The following RBPMS variants were observed in gnomAD, a reference collection of about 807,000 sequenced individuals.
The protein encoded by RBPMS is RNA-binding protein with multiple splicing.
A neutral mutation model predicts 26.8 loss-of-function variants in RBPMS; 7 were observed. That is an observed-to-expected ratio of 0.26 (90% CI 0.15 to 0.49). The LOEUF (loss-of-function observed/expected upper bound fraction) is 0.49. Among genes scored for constraint, RBPMS ranks in the 20% least tolerant of loss-of-function variants. RBPMS has a pLI of 0.98. For synonymous variants in RBPMS, 96 were observed against 93.3 expected, an observed-to-expected ratio of 1.03 and a Z score of -0.17; for missense variants, 186 against 250.0, an observed-to-expected ratio of 0.74 and a Z score of 1.73.
chr8:30,561,980 G>A lies in RBPMS; in HGVS notation c.*7+3024G>A, dbSNP rs1344888430. 4.1e-6 allele frequency: 4 copies of A among 985,148 alleles called. No homozygotes were observed. The African/African-American group carries it at 7.0e-5, about 17-fold the overall frequency. The allele number at this position is 985,148 out of a possible 1,614,324, so 61.0% of individuals were successfully genotyped here. On this transcript the variant is annotated intron_variant, in intron 7 of 8. Coordinates refer to ENST00000397323, the MANE Select transcript of RBPMS (RefSeq NM_001008710.3). ...ATGGCTACTAGAAGGACGAACAATT[G>A]CCCTCCTTTGGAAGTACGGCTAATA...
At chr8:30,484,888 T>G (rs1818629725) in intron 4 of RBPMS, among the ~76,000 whole-genome samples, 1 of 152,258 alleles carries the variant, frequency 6.6e-6, no homozygotes, top group Admixed American at 6.5e-5. Context: ...CTAAATAGTT[T>G]GAGCTTTCCA....
At chr8:30,418,618 A>G (rs557792815) in intron 1 of RBPMS, among the ~76,000 whole-genome samples, 1 of 152,152 alleles carries the variant, frequency 6.6e-6, no homozygotes, top group African/African-American at 2.4e-5. Flanking sequence ...TCACTCTGTC[A>G]CCCAGGCTGG....
intron 7 of RBPMS, among the ~76,000 whole-genome samples, chr8:30,562,779 C>T (rs1182987391): frequency 7.4e-6 from 1 of 134,856 alleles, no homozygotes; most frequent in Non-Finnish European, 1.7e-5. Context: ...TCTTGCTTTC[C>T]CAGCACGGAA....
intron 1 of RBPMS, among the ~76,000 whole-genome samples, chr8:30,427,560 ACTCT>A (rs926274616): frequency 6.6e-6 from 1 of 151,714 alleles, no homozygotes; most frequent in Non-Finnish European, 1.5e-5. Context: ...CCCCTGGCAA[ACTCT>A]CTCTCTTCCT....
chr8:30,434,996 A>ACATCCATCCATCCATCCATC (rs113850134), intron 1 of RBPMS, among the ~76,000 whole-genome samples: 2 of 150,400 alleles, frequency 1.3e-5, no homozygotes, highest in Non-Finnish European at 2.9e-5. Context: ...TCCAAAGAAG[A>ACATCCATCCATCCATCCATC]CATCCATCCA....
chr8:30,451,783 A>T (rs763023225), intron 1 of RBPMS, among the ~76,000 whole-genome samples: 11 of 152,320 alleles, frequency 7.2e-5, no homozygotes, highest in Non-Finnish European at 1.6e-4. Flanking sequence ...TTTTTTAAAT[A>T]TCAAATTGTA....
At chr8:30,486,364 TAAAAAAAAAAC>T (rs1818777434) in intron 4 of RBPMS, among the ~76,000 whole-genome samples, 1 of 140,388 alleles carries the variant, frequency 7.1e-6, no homozygotes, top group Non-Finnish European at 1.5e-5. Context: ...ATAAATAACA[TAAAAAAAAAAC>T]AAAAAACAGG....
intron 6 of RBPMS, 119 bp downstream of exon 6, chr8:30,544,743 G>T (rs1342129040): frequency 1.2e-6 from 2 of 1,600,248 alleles, no homozygotes; most frequent in African/African-American, 2.7e-5. Flanking sequence ...ACCCTCAAGA[G>T]ATTAATGATC....
intron 1 of RBPMS, among the ~76,000 whole-genome samples, chr8:30,451,762 T>C (rs952887253): frequency 6.6e-6 from 1 of 152,224 alleles, no homozygotes; most frequent in East Asian, 1.9e-4. Flanking sequence ...TGGAGACATT[T>C]AGCCCATTTG....
intron 4 of RBPMS, 107 bp downstream of exon 4, chr8:30,479,484 T>C (rs916106392): frequency 1.2e-6 from 1 of 817,192 alleles, no homozygotes; most frequent in African/African-American, 1.8e-5. Context: ...CTGCACAGTC[T>C]AAGAGGGAGG....
At chr8:30,469,030 A>G (rs923755778) in intron 1 of RBPMS, among the ~76,000 whole-genome samples, 1 of 152,238 alleles carries the variant, frequency 6.6e-6, no homozygotes, top group Non-Finnish European at 1.5e-5. Context: ...TAAAACTTTT[A>G]TGAAAAACTA....
intron 1 of RBPMS, among the ~76,000 whole-genome samples, chr8:30,443,675 A>T (rs973222327): frequency 1.3e-5 from 2 of 151,742 alleles, no homozygotes; most frequent in Non-Finnish European, 2.9e-5. Flanking sequence ...GCTCACTGCA[A>T]CCTCTGCCTC....
intron 1 of RBPMS, among the ~76,000 whole-genome samples, chr8:30,424,831 G>A (rs949381454): frequency 2.0e-5 from 3 of 152,132 alleles, no homozygotes; most frequent in African/African-American, 7.2e-5. Flanking sequence ...GTCCTTTGAA[G>A]CATGGCTGTT....
intron 1 of RBPMS, among the ~76,000 whole-genome samples, chr8:30,411,658 G>T (rs1809415167): frequency 1.1e-5 from 1 of 92,196 alleles, no homozygotes; most frequent in Non-Finnish European, 2.0e-5. Context: ...GCAAGACCCT[G>T]TCTCAGAAAA....
At chr8:30,504,590 A>G (rs369901665) in intron 5 of RBPMS, among the ~76,000 whole-genome samples, 154 bp downstream of exon 5, 1 of 152,232 alleles carries the variant, frequency 6.6e-6, no homozygotes, top group East Asian at 1.9e-4. Flanking sequence ...CAGAATTCCA[A>G]ATACAGCAAT....
chr8:30,489,028 G>A (rs12548554), intron 4 of RBPMS, among the ~76,000 whole-genome samples: 29,748 of 151,986 alleles, frequency 0.2, 3,292 homozygotes, highest in South Asian at 0.39. Context: ...TAAATGAGAT[G>A]GTGGGTGTTT....
rs138294155 is a variant in RBPMS, at chr8:30,421,848, G to A, written c.66+36690G>A. Among the ~76,000 whole-genome samples, 472 of 152,056 alleles carry A rather than the reference G, an allele frequency of 3.1e-3. 3 individuals carry two copies. The highest frequency in any genetic ancestry group is 9.5e-3 in the African/African-American group (395 of 41,520). Reference sequence around the variant, plus strand: ...CACGCACCTATAGTCCTAGCTACTCGGGAGGCTGAGGCAGGGGAATTGCTT... The same window carrying A: ...CACGCACCTATAGTCCTAGCTACTCAGGAGGCTGAGGCAGGGGAATTGCTT... On this transcript the variant is annotated intron_variant, in intron 1 of 8. Transcript: ENST00000397323.
At chr8:30,453,224 C>T (rs955454600) in intron 1 of RBPMS, among the ~76,000 whole-genome samples, 26 of 152,162 alleles carry the variant, frequency 1.7e-4, no homozygotes, top group African/African-American at 6.0e-4. Context: ...GTTTGGGTAA[C>T]GGTTCATGTA....
chr8:30,428,600 C>T lies in RBPMS; in HGVS notation c.66+43442C>T, dbSNP rs140459550. ...ATGTACAGAAATTAAGTTAATTCTGCATTCTCCAAGTTTAATCTCAGCATA... is the reference window on the plus strand; with the variant it reads ...ATGTACAGAAATTAAGTTAATTCTGTATTCTCCAAGTTTAATCTCAGCATA... On this transcript the variant is annotated intron_variant, in intron 1 of 8. Coordinates refer to ENST00000397323, the MANE Select transcript of RBPMS (RefSeq NM_001008710.3). Among the ~76,000 whole-genome samples, 301 of 152,226 alleles carry T rather than the reference C, an allele frequency of 2.0e-3. 2 individuals are homozygous for T. Among genetic ancestry groups the T allele is most frequent in the African/African-American group, 6.7e-3 (279 of 41,538 alleles).
Sources: gnomAD v4.1 joint callset for allele counts (sites outside exome capture counted in the v4.1 genomes callset) on GRCh38, gnomAD v4.1.1 for gene constraint, MANE v1.5 for transcripts, NCBI Gene and HGNC (gene_info 2026-07-23, HGNC 2026-07-21) for gene names.